Variants in MMP26 observed in about 807,000 individuals in gnomAD.
The protein encoded by MMP26 is matrix metalloproteinase-26.
MMP26 carries 33 observed loss-of-function variants against 31.0 expected under a neutral mutation model. The observed-to-expected ratio is 1.06, with a 90% confidence interval of 0.81 to 1.42. MMP26 has a LOEUF of 1.42. Among genes scored for constraint, MMP26 ranks in the 40% most tolerant of loss-of-function variants. The pLI is 0.00. For synonymous variants in MMP26, 122 were observed against 114.9 expected, an observed-to-expected ratio of 1.06 and a Z score of -0.40; for missense variants, 347 against 316.1, an observed-to-expected ratio of 1.10 and a Z score of -0.74.
chr11:4,834,148 C>G (rs1849685108), intron 2 of MMP26, among the ~76,000 whole-genome samples: 1 of 152,160 alleles, frequency 6.6e-6, no homozygotes, highest in African/African-American at 2.4e-5. Context: ...ACAGCACTCT[C>G]TCCTCTGCAT....
intron 2 of MMP26, chr11:4,860,179 C>T (rs145133059): frequency 6.2e-5 from 29 of 470,992 alleles, no homozygotes; most frequent in African/African-American, 2.2e-4. Flanking sequence ...TAATGGGTTT[C>T]GGATGGCCAC....
intron 2 of MMP26, chr11:4,882,807 A>G: frequency 6.2e-7 from 1 of 1,613,862 alleles, no homozygotes. Context: ...ACAATCCGCC[A>G]GGCTATGTTC....
At chr11:4,925,539 G>T (rs766683643) in intron 2 of MMP26, among the ~76,000 whole-genome samples, 1 of 152,018 alleles carries the variant, frequency 6.6e-6, no homozygotes, top group Admixed American at 6.6e-5. Flanking sequence ...TAGCGATTGT[G>T]GTGTGACTGA....
intron 2 of MMP26, among the ~76,000 whole-genome samples, chr11:4,976,699 G>A (rs758755178): frequency 1.3e-5 from 2 of 151,988 alleles, no homozygotes; most frequent in Admixed American, 6.6e-5. Context: ...AAGCCCACAG[G>A]TCTTTTCTTT....
At chr11:4,914,619 G>A (rs182775122) in intron 2 of MMP26, 7 of 800,652 alleles carry the variant, frequency 8.7e-6, no homozygotes, top group African/African-American at 6.9e-5. Flanking sequence ...TGTTTGTTGA[G>A]TAAGTAAATG....
At chr11:4,893,676 ATAG>A (rs1326628916) in intron 2 of MMP26, among the ~76,000 whole-genome samples, 5 of 152,200 alleles carry the variant, frequency 3.3e-5, no homozygotes, top group Non-Finnish European at 7.3e-5. Flanking sequence ...CCTCTGCCAC[ATAG>A]TAGACCTTCA....
At chr11:4,990,127 G>A (rs1490250208) in intron 4 of MMP26, among the ~76,000 whole-genome samples, 2 of 152,168 alleles carry the variant, frequency 1.3e-5, no homozygotes, top group Admixed American at 1.3e-4. Flanking sequence ...ATGCGTGAGT[G>A]TGTGGATGGT....
At chr11:4,765,359 ACTTC>A (rs776409437) in intron 1 of MMP26, among the ~76,000 whole-genome samples, 2 of 151,676 alleles carry the variant, frequency 1.3e-5, no homozygotes, top group East Asian at 1.9e-4. Flanking sequence ...TTCTACCCAA[ACTTC>A]CTTCCTTCCT....
intron 2 of MMP26, among the ~76,000 whole-genome samples, chr11:4,784,324 C>A (rs1441874506): frequency 6.6e-6 from 1 of 152,148 alleles, no homozygotes; most frequent in African/African-American, 2.4e-5. Context: ...CTGTAGGAAT[C>A]AGAATTAGCC....
intron 2 of MMP26, among the ~76,000 whole-genome samples, chr11:4,823,937 G>A (rs549316345): frequency 1.3e-5 from 2 of 152,240 alleles, no homozygotes; most frequent in African/African-American, 2.4e-5. Context: ...ATGATGATAT[G>A]TTTGAGTGAA....
intron 2 of MMP26, chr11:4,860,586 G>T: frequency 2.3e-6 from 1 of 433,412 alleles, no homozygotes; most frequent in South Asian, 1.8e-5. Flanking sequence ...CATCGGGTGG[G>T]GCTGGACTCC....
intron 2 of MMP26, chr11:4,909,296 G>C (rs1850954716): frequency 6.6e-6 from 1 of 152,078 alleles, no homozygotes; most frequent in African/African-American, 2.4e-5. Flanking sequence ...AGAGTATACA[G>C]TTGAAAATAC....
At chr11:4,850,148 T>G (rs974277199) in intron 2 of MMP26, among the ~76,000 whole-genome samples, 2 of 152,206 alleles carry the variant, frequency 1.3e-5, no homozygotes, top group African/African-American at 4.8e-5. Context: ...TTTATTTTCC[T>G]AAGTGGTCTT....
rs938850399 is a variant in MMP26, at chr11:4,898,723, T to A, written c.-144-89345T>A. ...AATATATAGGGGACATTTACTTACCTCCTCCATATGAAGAAATCCAAACCT... is the reference window on the plus strand; with the variant it reads ...AATATATAGGGGACATTTACTTACCACCTCCATATGAAGAAATCCAAACCT... On this transcript the variant is annotated intron_variant, in intron 2 of 7. Transcript: ENST00000380390. Among the ~76,000 whole-genome samples, 13 of 152,076 alleles carry A rather than the reference T, an allele frequency of 8.5e-5. 1 individual carries two copies. The highest frequency in any genetic ancestry group is 7.4e-5 in the Non-Finnish European group (5 of 68,008).
In MMP26 at chr11:4,959,551, C is replaced by G. The variant is rs114310641; in HGVS notation, c.-144-28517C>G. ...TCATCACTCCCCCTACTTAAGTCCTCTGTTGCACGGGTCTATTTTCCCCTG... is the reference window on the plus strand; with the variant it reads ...TCATCACTCCCCCTACTTAAGTCCTGTGTTGCACGGGTCTATTTTCCCCTG... On this transcript the variant is annotated intron_variant, in intron 2 of 7. Coordinates refer to ENST00000380390, the MANE Select transcript of MMP26 (RefSeq NM_021801.5). Among the ~76,000 whole-genome samples the G allele has an allele frequency of 6.3e-3, 964 of 152,280 alleles. 12 individuals carry two copies. The highest frequency in any genetic ancestry group is 0.022 in the African/African-American group (920 of 41,538).
intron 2 of MMP26, chr11:4,915,473 A>T: frequency 6.2e-7 from 1 of 1,614,158 alleles, no homozygotes; most frequent in Non-Finnish European, 8.5e-7. Context: ...GAAGAGATAC[A>T]TAGGTTCATG....
intron 2 of MMP26, among the ~76,000 whole-genome samples, chr11:4,873,237 C>T (rs549981220): frequency 1.3e-5 from 2 of 152,176 alleles, no homozygotes; most frequent in Admixed American, 1.3e-4. Context: ...GATTAAGGTG[C>T]TTAGATTGCC....
At chr11:4,889,487 G>A (rs780738240) in intron 2 of MMP26, 7 of 152,144 alleles carry the variant, frequency 4.6e-5, no homozygotes, top group Non-Finnish European at 1.0e-4. Flanking sequence ...GGCCAACTGT[G>A]TATGAATAAT....
intron 2 of MMP26, chr11:4,942,827 T>C (rs1002630914): frequency 6.6e-6 from 1 of 152,182 alleles, no homozygotes; most frequent in Non-Finnish European, 1.5e-5. Flanking sequence ...TAATGTGACA[T>C]GTATGGGGAC....
Sources: gnomAD v4.1 joint callset for allele counts (sites outside exome capture counted in the v4.1 genomes callset) on GRCh38, gnomAD v4.1.1 for gene constraint, MANE v1.5 for transcripts, NCBI Gene and HGNC (gene_info 2026-07-23, HGNC 2026-07-21) for gene names.